The following PACS2 variants were observed in gnomAD, a reference collection of about 807,000 sequenced individuals.
The protein encoded by PACS2 is PACS1-like protein.
A neutral mutation model predicts 113.0 loss-of-function variants in PACS2; 36 were observed. That is an observed-to-expected ratio of 0.32 (90% CI 0.24 to 0.42). The LOEUF (loss-of-function observed/expected upper bound fraction) is 0.42. Ranked by LOEUF, PACS2 falls within the 10% of genes least tolerant of loss-of-function variation. The pLI, the probability that PACS2 is intolerant of heterozygous loss-of-function variation, is 1.00. For synonymous variants in PACS2, 589 were observed against 536.1 expected, an observed-to-expected ratio of 1.10 and a Z score of -1.36; for missense variants, 1,015 against 1,239.5, an observed-to-expected ratio of 0.82 and a Z score of 2.72.
At chr14:105,362,840 A>G (rs1041274491) in intron 4 of PACS2, among the ~76,000 whole-genome samples, 20 of 152,128 alleles carry the variant, frequency 1.3e-4, no homozygotes, top group African/African-American at 4.6e-4. Flanking sequence ...AACAGAGCGA[A>G]ACTCCAACTC....
At chr14:105,368,277 C>A in intron 6 of PACS2, 130 bp downstream of exon 6, 1 of 816,764 alleles carries the variant, frequency 1.2e-6, no homozygotes, top group Non-Finnish European at 2.0e-6. Flanking sequence ...CCCTGGTTGG[C>A]CGCCCATCTC....
chr14:105,330,246 T>A lies in PACS2; in HGVS notation c.119+15209T>A, dbSNP rs927066832. On this transcript the variant is annotated intron_variant, in intron 1 of 24. Transcript: ENST00000447393. The surrounding 1 kb of genome is among the most constrained non-coding windows in gnomAD (Gnocchi z 6.9). ...TGGGACGGAACGGGGACAGGGAGCC[T>A]CCGAGAAGCCTGGGGTCCGTGTGTG... Among the ~76,000 whole-genome samples, 5 of 116,666 alleles carry A rather than the reference T, an allele frequency of 4.3e-5. No homozygotes were observed. The highest frequency in any genetic ancestry group is 6.9e-5 in the Non-Finnish European group (4 of 58,266). The allele number at this position is 116,666 out of a possible 152,430, so 76.5% of individuals were successfully genotyped here.
At position 105,393,205 on chromosome 14, in the gene PACS2, C is replaced by G. The variant is rs201777095; in HGVS notation, c.2483-17C>G. The G allele has an allele frequency of 1.1e-4, 183 of 1,592,710 alleles. 1 individual carries two copies. The African/African-American group carries it at 1.9e-3, about 16-fold the overall frequency. On this transcript the variant is annotated splice_polypyrimidine_tract_variant and intron_variant, in intron 23 of 24. Coordinates refer to ENST00000447393, the MANE Select transcript of PACS2 (RefSeq NM_001100913.3). ...AGGAGCAGCAAGATGACAGCAGGGC[C>G]TCTTTTCTCCTCCCAGTGATGTTTC...
rs2060454036 is a variant in PACS2 at position 105,356,518 on chromosome 14, G to A, written c.423+1341G>A. On this transcript the variant is annotated intron_variant, in intron 4 of 24. Transcript: ENST00000447393. The surrounding 1 kb of genome is among the most constrained non-coding windows in gnomAD (Gnocchi z 4.0). ...TGCCCATCATCCCAGCCTCCCTCCT[G>A]CAGGCTGAGCGATGGGTGAACAGGT... 6.6e-6 allele frequency among the ~76,000 whole-genome samples: 1 copy of A among 152,156 alleles called. No homozygotes were observed.
In PACS2 at chr14:105,355,232, C is replaced by T; in HGVS notation, c.423+55C>T. The stretch of plus-strand genomic sequence containing the variant: ...CGGGCTGGCCACCTGGGTGCCAGAG[C>T]ATTCGCCCGTGGGAGATGGAGATGT... On this transcript the variant is annotated intron_variant, in intron 4 of 24. Coordinates refer to ENST00000447393, the MANE Select transcript of PACS2 (RefSeq NM_001100913.3). The surrounding 1 kb of genome is among the most constrained non-coding windows in gnomAD (Gnocchi z 4.1). The T allele has an allele frequency of 6.3e-7, 1 of 1,579,116 alleles. No homozygotes were observed. Among genetic ancestry groups the T allele is most frequent in the Non-Finnish European group, 8.6e-7 (1 of 1,160,788 alleles).
At chr14:105,303,343 A>G (rs916257325) in intron 1 of PACS2, among the ~76,000 whole-genome samples, 17 of 152,158 alleles carry the variant, frequency 1.1e-4, no homozygotes, top group African/African-American at 3.9e-4. Context: ...TCCCGGGTTC[A>G]TGCCATTCTC....
chr14:105,396,227 C>G lies in PACS2; in HGVS notation c.*1555C>G, dbSNP rs1308596510. On this transcript the variant is annotated 3_prime_UTR_variant, in exon 25 of 25. Transcript: ENST00000447393. ...CTGTGTGCAGGAGGCAGAGCCCCAG[C>G]CCCTCCCAGCCAGAGCCCCTCCACA... 1.3e-5 allele frequency: 2 copies of G among 152,328 alleles called. No homozygotes were observed. Among genetic ancestry groups the G allele is most frequent in the African/African-American group, 4.8e-5 (2 of 41,406 alleles). The allele number at this position is 152,328 out of a possible 1,614,324, so 9.4% of individuals were successfully genotyped here.
chr14:105,380,182 G>A (rs369534058), intron 11 of PACS2, 28 bp downstream of exon 11: 16 of 1,533,574 alleles, frequency 1.0e-5, no homozygotes, highest in African/African-American at 2.8e-5. Flanking sequence ...GCACCCACCC[G>A]TTCCACACAT....
chr14:105,322,726 G>T (rs949066080), intron 1 of PACS2, among the ~76,000 whole-genome samples: 1 of 152,202 alleles, frequency 6.6e-6, no homozygotes, highest in African/African-American at 2.4e-5. Context: ...AAGCCCACAA[G>T]ATGTTGTTAC....
At chr14:105,337,776 C>A (rs587748244) in intron 1 of PACS2, among the ~76,000 whole-genome samples, 1 of 152,352 alleles carries the variant, frequency 6.6e-6, no homozygotes, top group African/African-American at 2.4e-5. Context: ...TGGACAAGGG[C>A]CTCTGTGCCT....
Position 105,380,089 on chromosome 14 carries a change from C to T in PACS2, c.1060C>T (p.Pro354Ser), listed in dbSNP as rs372845683. 6.4e-7 allele frequency: 1 copy of T among 1,552,654 alleles called. No individual in the cohort carries two copies. Among genetic ancestry groups the T allele is most frequent in the Non-Finnish European group, 8.7e-7 (1 of 1,147,816 alleles). Residue 354 changes from proline (P) to serine (S), a missense_variant, in exon 11 of 25, where the codon CCC becomes TCC. Pro to Ser is a moderately conservative substitution (Grantham distance 74, BLOSUM62 -1). Around this residue, in one of 3 missense-constraint regions of PACS2, gnomAD observed 859 missense variants for 1,056.8 expected, o/e 0.81. Coordinates refer to ENST00000447393, the MANE Select transcript of PACS2 (RefSeq NM_001100913.3). ...ATCTCCTCCCCCACAGGCTGACGTG[C>T]CCGAGAAGACGCGGTCCCTGGGAGG... is the stretch of plus-strand genomic sequence containing the variant. ...HKEPPSPADV[P>S]EKTRSLGGRQ...
rs587775314 is a variant in PACS2 at position 105,385,868 on chromosome 14, G to A, written c.2033+151G>A. Among the ~76,000 whole-genome samples, 13 of 152,294 alleles carry A rather than the reference G, an allele frequency of 8.5e-5. No homozygotes were observed. The South Asian group carries it at 2.1e-3, about 24-fold the overall frequency. ...GCCACCAGCTGCAGGCTGAGAGCCC[G>A]CACGGGAGAGGGGAAGTGGCCCCAA... On this transcript the variant is annotated intron_variant, in intron 19 of 24. Coordinates refer to ENST00000447393, the MANE Select transcript of PACS2 (RefSeq NM_001100913.3).
chr14:105,394,845 C>T lies in PACS2; in HGVS notation c.*173C>T, dbSNP rs1367364400. 3.5e-5 allele frequency: 21 copies of T among 602,174 alleles called. No homozygotes were observed. Among genetic ancestry groups the T allele is most frequent in the Non-Finnish European group, 4.2e-5 (14 of 332,450 alleles). The allele number at this position is 602,174 out of a possible 1,614,324, so 37.3% of individuals were successfully genotyped here. Reference sequence around the variant, plus strand: ...TAACGGGGGAGCTCCTGCCAGGAGCCGAATAACTGCTCTGCTTATTAACCC... The same window carrying T: ...TAACGGGGGAGCTCCTGCCAGGAGCTGAATAACTGCTCTGCTTATTAACCC... On this transcript the variant is annotated 3_prime_UTR_variant, in exon 25 of 25. Coordinates refer to ENST00000447393, the MANE Select transcript of PACS2 (RefSeq NM_001100913.3).
rs1555417052 is a variant in PACS2, at chr14:105,397,013, C to G, written c.*2341C>G. 1 of 152,296 alleles carries G rather than the reference C, an allele frequency of 6.6e-6. No homozygotes were observed. The allele number at this position is 152,296 out of a possible 1,614,324, so 9.4% of individuals were successfully genotyped here. ...CTGCACAGCTCCATCCTTAGCCACG[C>G]AAGGGGAGAACATGGGCAGAGTCTC... On this transcript the variant is annotated 3_prime_UTR_variant, in exon 25 of 25. Coordinates refer to ENST00000447393, the MANE Select transcript of PACS2 (RefSeq NM_001100913.3).
intron 1 of PACS2, among the ~76,000 whole-genome samples, chr14:105,306,616 T>G (rs587735063): frequency 2.7e-5 from 4 of 149,484 alleles, no homozygotes; most frequent in South Asian, 2.1e-4. Flanking sequence ...TTTTTGGGGG[T>G]TTTTTTTGAG....
At chr14:105,392,345 A>G (rs782107045) in intron 22 of PACS2, 86 of 498,334 alleles carry the variant, frequency 1.7e-4, no homozygotes, top group Non-Finnish European at 1.7e-4. Context: ...ACGGGCCCTC[A>G]CGACTCCAAG....
intron 8 of PACS2, among the ~76,000 whole-genome samples, chr14:105,375,983 G>A (rs587693647): frequency 6.6e-6 from 1 of 152,354 alleles, no homozygotes; most frequent in East Asian, 1.9e-4. Context: ...GCCTCAGGAA[G>A]CTGCCAATCA....
chr14:105,367,244 T>C lies in PACS2; in HGVS notation c.455T>C (p.Val152Ala), dbSNP rs1555408154. Residue 152 changes from valine to alanine, a missense_variant, in exon 5 of 25, where the codon GTG (valine) becomes GCG (alanine). This residue lies in a region of PACS2 where 859 missense variants were observed against 1,056.8 expected (regional missense o/e 0.81). Coordinates refer to ENST00000447393, the MANE Select transcript of PACS2 (RefSeq NM_001100913.3). ...CAACACCCGTCTGAAGGTGGCCAGGTGCTGAGCCTCTGCAGCAGCATCAAG... is the reference window on the plus strand; with the variant it reads ...CAACACCCGTCTGAAGGTGGCCAGGCGCTGAGCCTCTGCAGCAGCATCAAG... ...VMQHPSEGGQ[V>A]LSLCSSIKEA... 1.9e-6 allele frequency: 3 copies of C among 1,613,128 alleles called. No homozygotes were observed. The highest frequency in any genetic ancestry group is 1.7e-6 in the Non-Finnish European group (2 of 1,180,010).
rs587710992 is a variant in PACS2, at chr14:105,339,686, A to G, written c.120-8807A>G. ...ACTCTAGCCTAGGTGACAGAGCAAG[A>G]TTCTGTCTCTATTAAAAAAAAAAAA... On this transcript the variant is annotated intron_variant, in intron 1 of 24. Coordinates refer to ENST00000447393, the MANE Select transcript of PACS2 (RefSeq NM_001100913.3). 2.4e-4 allele frequency among the ~76,000 whole-genome samples: 36 copies of G among 151,286 alleles called. 1 individual carries two copies. In the South Asian group the frequency reaches 5.6e-3, roughly 24 times the overall value.
Sources: gnomAD v4.1 joint callset for allele counts (sites outside exome capture counted in the v4.1 genomes callset) on GRCh38, gnomAD v4.1.1 for gene constraint, gnomAD v4.1.1 regional missense constraint, Gnocchi (gnomAD v3.1) non-coding constraint, MANE v1.5 for transcripts, NCBI Gene and HGNC (gene_info 2026-07-23, HGNC 2026-07-21) for gene names.